PLPP1: variants seen among roughly 807,000 people sequenced by gnomAD.
PLPP1 encodes the protein phospholipid phosphatase 1, also known as lipid phosphate phosphohydrolase 1a.
In PLPP1, 24 loss-of-function variants were observed where a neutral mutation model predicts 31.2. The observed-to-expected ratio is 0.77, with a 90% CI of 0.56 to 1.08. PLPP1 has a LOEUF of 1.08. Ranked by LOEUF, PLPP1 falls within the 50% of genes least tolerant of loss-of-function variation. PLPP1 has a pLI of 0.00. For missense variants in PLPP1, 319 were observed against 342.7 expected (o/e 0.93, Z 0.55); for synonymous variants, 146 against 126.3 (o/e 1.16, Z -1.05).
At chr5:55,484,496 A>G (rs917936599) in intron 1 of PLPP1, 18 of 152,194 alleles carry the variant, frequency 1.2e-4, no homozygotes, top group African/African-American at 4.3e-4. Context: ...CAAAGGAAAC[A>G]ACGAAAACTT....
chr5:55,486,358 G>A lies in PLPP1; in HGVS notation c.59-10908C>T, dbSNP rs1486627001. Among the ~76,000 whole-genome samples the A allele has an allele frequency of 1.3e-3, 196 of 152,252 alleles. 1 individual carries two copies. The highest frequency in any genetic ancestry group is 1.6e-4 in the Non-Finnish European group (11 of 68,036). On this transcript the variant is annotated intron_variant, in intron 1 of 5. Coordinates refer to ENST00000307259, the MANE Select transcript of PLPP1 (RefSeq NM_003711.4). ...TCAGCACTTTGGGAGGCCGAGGTGG[G>A]TGGATTGCTTGAGGTCAGGAGTTCA...
intron 1 of PLPP1, among the ~76,000 whole-genome samples, chr5:55,515,500 C>G (rs1322391044): frequency 6.6e-6 from 1 of 152,222 alleles, no homozygotes; most frequent in East Asian, 1.9e-4. Context: ...CTTCCTCAAT[C>G]CAACTTTTTC....
intron 1 of PLPP1, among the ~76,000 whole-genome samples, chr5:55,500,077 A>AAT (rs1045682643): frequency 2.7e-5 from 3 of 112,484 alleles, no homozygotes; most frequent in East Asian, 4.7e-4. Context: ...TTCTCTAAAA[A>AAT]TTTTTTTTTT....
intron 4 of PLPP1, among the ~76,000 whole-genome samples, chr5:55,427,101 A>AG (rs1554036054): frequency 5.6e-4 from 85 of 150,880 alleles, no homozygotes; most frequent in African/African-American, 1.9e-3. Flanking sequence ...AAAAAAAAAA[A>AG]AAAGAAAACT....
intron 1 of PLPP1, among the ~76,000 whole-genome samples, chr5:55,521,918 T>C (rs145504049): frequency 2.0e-5 from 3 of 152,242 alleles, no homozygotes; most frequent in Non-Finnish European, 4.4e-5. Flanking sequence ...CTCTACTCAT[T>C]TACCTCTCCA....
intron 1 of PLPP1, among the ~76,000 whole-genome samples, chr5:55,477,677 G>A (rs1181851304): frequency 5.3e-5 from 8 of 152,090 alleles, no homozygotes; most frequent in African/African-American, 1.9e-4. Context: ...ACAGGCATGA[G>A]CCATAGTGCC....
chr5:55,488,540 G>A (rs1752821887), intron 1 of PLPP1, among the ~76,000 whole-genome samples: 1 of 152,052 alleles, frequency 6.6e-6, no homozygotes, highest in African/African-American at 2.4e-5. Flanking sequence ...CAGCTACTCG[G>A]GAGGTCAAGG....
Position 55,426,014 on chromosome 5 carries a change from C to T in PLPP1, c.575G>A (p.Gly192Glu). 2.5e-6 allele frequency: 4 copies of T among 1,603,232 alleles called. No individual in the cohort carries two copies. Among genetic ancestry groups the T allele is most frequent in the Non-Finnish European group, 3.4e-6 (4 of 1,177,234 alleles). Residue 192 changes from glycine to glutamate, a missense_variant, in exon 5 of 6, where the codon GGA becomes GAA. By Grantham distance (98) the Gly-to-Glu change is moderately conservative (BLOSUM62 -2). Transcript: ENST00000307259. ...GGGGCGTAAGAGTCTTGCCCAGTCTCCCTTCATCCTGGCTTGAAGATAAAG... is the reference window on the plus strand; with the variant it reads ...GGGGCGTAAGAGTCTTGCCCAGTCTTCCTTCATCCTGGCTTGAAGATAAAG... ...VALYLQARMK[G>E]DWARLLRPTL...
intron 1 of PLPP1, among the ~76,000 whole-genome samples, chr5:55,508,341 C>T (rs895170329): frequency 6.6e-6 from 1 of 152,212 alleles, no homozygotes; most frequent in African/African-American, 2.4e-5. Flanking sequence ...ACACTGTGGG[C>T]ACCTCTATGT....
At chr5:55,459,569 T>C (rs949152470) in intron 3 of PLPP1, among the ~76,000 whole-genome samples, 3 of 152,114 alleles carry the variant, frequency 2.0e-5, no homozygotes, top group African/African-American at 4.8e-5. Flanking sequence ...AATCAACTAA[T>C]TTGAAAGAAT....
At chr5:55,506,875 T>C (rs1163227824) in intron 1 of PLPP1, among the ~76,000 whole-genome samples, 1 of 152,222 alleles carries the variant, frequency 6.6e-6, no homozygotes, top group Non-Finnish European at 1.5e-5. Context: ...CTTTACTACT[T>C]TGTTACCTGA....
At chr5:55,442,989 T>C (rs996331385) in intron 3 of PLPP1, among the ~76,000 whole-genome samples, 1 of 151,364 alleles carries the variant, frequency 6.6e-6, no homozygotes, top group African/African-American at 2.4e-5. Flanking sequence ...TACGTAAGAA[T>C]AAGAACAAAA....
At position 55,425,238 on chromosome 5, in the gene PLPP1, C is replaced by CA; in HGVS notation, c.822dup (p.Gly275TrpfsTer19). On this transcript the variant is annotated frameshift_variant, in exon 6 of 6. Transcript: ENST00000307259. LOFTEE classifies it high-confidence loss of function. ...TGGTGATTGCTCGGATAGTGATTCC[C>CA]AGTTGTTGGTGTTTCATGCAGAGTT... 1 of 1,613,916 alleles carries CA rather than the reference C, an allele frequency of 6.2e-7. No individual in the cohort carries two copies. Among genetic ancestry groups the CA allele is most frequent in the South Asian group, 1.1e-5 (1 of 91,020 alleles).
rs1056680348 is a variant in PLPP1, at chr5:55,425,272, G to C, written c.789C>G (p.Asp263Glu). Reference sequence around the variant, plus strand: ...GTGTTTCATGCAGAGTTGTATGAGAGTCCTCCTCTTTTCTTTCTTTAAAAG... The same window carrying C: ...GTGTTTCATGCAGAGTTGTATGAGACTCCTCCTCTTTTCTTTCTTTAAAAG... ...RTSFKERKEEDSHTTLHETPT... is the reference protein window; with the variant it reads ...RTSFKERKEEESHTTLHETPT... Residue 263 changes from aspartate to glutamate, a missense_variant, in exon 6 of 6, where the codon GAC becomes GAG. Asp to Glu is a conservative substitution (Grantham distance 45, BLOSUM62 2). Transcript: ENST00000307259. The C allele has an allele frequency of 1.2e-6, 2 of 1,611,854 alleles. No homozygotes were observed. Among genetic ancestry groups the C allele is most frequent in the Non-Finnish European group, 1.7e-6 (2 of 1,178,164 alleles).
In PLPP1 at chr5:55,476,165, GTTTT is replaced by G. The variant is rs567067082; in HGVS notation, c.59-719_59-716del. Among the ~76,000 whole-genome samples the G allele has an allele frequency of 2.0e-5, 3 of 150,078 alleles. No homozygotes were observed. In the Admixed American group the frequency reaches 2.0e-4, roughly 10 times the overall value. ...AGCTGGTTTGTTGGTTTTTTTGGGG[GTTTT>G]TTTTTGTTTTTTGTTTGTTTGTTTT... On this transcript the variant is annotated intron_variant, in intron 1 of 5. Coordinates refer to ENST00000307259, the MANE Select transcript of PLPP1 (RefSeq NM_003711.4).
intron 2 of PLPP1, among the ~76,000 whole-genome samples, chr5:55,470,257 G>T (rs1752389204): frequency 6.6e-6 from 1 of 152,132 alleles, no homozygotes. Context: ...ATTTCATTTT[G>T]GAATTAATCT....
chr5:55,467,928 G>T lies in PLPP1; in HGVS notation c.432C>A (p.Ser144Arg). 6.2e-7 allele frequency: 1 copy of T among 1,614,006 alleles called. No individual in the cohort carries two copies. The highest frequency in any genetic ancestry group is 8.5e-7 in the Non-Finnish European group (1 of 1,179,974). ...ATATGTAGTATTCAATGTAACCATC[G>T]CTGCAGTTGATTTTTGACCAATCTG... The part of the protein sequence containing the change: ...CDPDWSKINC[S>R]DGYIEYYICR... The change falls in exon 3 of 6, where the codon AGC becomes AGA. Residue 144 changes from serine to arginine, a missense_variant. Physicochemically the swap from Ser to Arg is moderately radical, Grantham distance 110 (BLOSUM62 -1). Coordinates refer to ENST00000307259, the MANE Select transcript of PLPP1 (RefSeq NM_003711.4).
At chr5:55,435,370 GGTAAC>G (rs1751467674) in intron 4 of PLPP1, among the ~76,000 whole-genome samples, 1 of 150,228 alleles carries the variant, frequency 6.7e-6, no homozygotes. Context: ...GATGTGCAGT[GGTAAC>G]TGGGCTTTTT....
intron 1 of PLPP1, chr5:55,530,398 T>C (rs1029872014): frequency 7.8e-6 from 10 of 1,289,636 alleles, no homozygotes; most frequent in African/African-American, 4.4e-5. Flanking sequence ...CTGGTAAAAT[T>C]TGATTCTTGA....
Sources: allele counts gnomAD v4.1 joint callset (sites outside exome capture counted in the v4.1 genomes callset), GRCh38; gene constraint gnomAD v4.1.1; transcripts MANE v1.5; gene names NCBI Gene and HGNC (gene_info 2026-07-23, HGNC 2026-07-21).